The following PRDM5 variants were observed in gnomAD, a reference collection of about 807,000 sequenced individuals.
The protein encoded by PRDM5 is PR domain zinc finger protein 5.
In PRDM5, 56 loss-of-function variants were observed where a neutral mutation model predicts 81.2. The ratio of observed to expected loss-of-function variants is 0.69; its 90% confidence interval spans 0.56 to 0.86. The LOEUF (loss-of-function observed/expected upper bound fraction) is 0.86. Among genes scored for constraint, PRDM5 ranks in the 40% least tolerant of loss-of-function variants. PRDM5 has a pLI of 0.00. For synonymous variants in PRDM5, 267 were observed against 256.4 expected (o/e 1.04, Z -0.39); for missense variants, 697 against 770.1 (o/e 0.91, Z 1.12).
At chr4:120,840,374 TGGGAATGTCA>T (rs1476485564) in intron 3 of PRDM5, among the ~76,000 whole-genome samples, 1 of 151,950 alleles carries the variant, frequency 6.6e-6, no homozygotes, top group Admixed American at 6.5e-5. Context: ...GCCCAGCCGT[TGGGAATGTCA>T]GGCTTGGCAG....
chr4:120,726,986 A>G (rs1460454286), intron 14 of PRDM5, among the ~76,000 whole-genome samples: 1 of 152,210 alleles, frequency 6.6e-6, no homozygotes, highest in Non-Finnish European at 1.5e-5. Flanking sequence ...ATTGAGTCAT[A>G]TATTTCTTGG....
rs1442706002 is a variant in PRDM5 at position 120,739,953 on chromosome 4, G to C, written c.1623+14600C>G. Among the ~76,000 whole-genome samples, 3 of 152,028 alleles carry C rather than the reference G, an allele frequency of 2.0e-5. 1 individual carries two copies. Among genetic ancestry groups the C allele is most frequent in the African/African-American group, 7.2e-5 (3 of 41,394 alleles). ...AAAGGAGAAATGAAGAAAAAGAAAG[G>C]GGGTAATGATGCTGTCGGTCTCTGA... is the stretch of plus-strand genomic sequence containing the variant. On this transcript the variant is annotated intron_variant, in intron 14 of 15. Coordinates refer to ENST00000264808, the MANE Select transcript of PRDM5 (RefSeq NM_018699.4).
intron 14 of PRDM5, among the ~76,000 whole-genome samples, chr4:120,749,792 C>T (rs1388362225): frequency 1.3e-5 from 2 of 152,168 alleles, no homozygotes; most frequent in Non-Finnish European, 1.5e-5. Context: ...GCACTGACAC[C>T]AAGGGGAGGG....
downstream of PRDM5, among the ~76,000 whole-genome samples, chr4:120,687,637 G>T (rs143617872): frequency 6.6e-6 from 1 of 151,994 alleles, no homozygotes. Flanking sequence ...ATAATACTAC[G>T]GTTTGAATCT....
At chr4:120,889,136 C>G (rs868647505) in intron 2 of PRDM5, among the ~76,000 whole-genome samples, 29 of 152,070 alleles carry the variant, frequency 1.9e-4, no homozygotes, top group African/African-American at 5.5e-4. Context: ...ATTTAAGAAA[C>G]CTGTCTTTAC....
intron 2 of PRDM5, among the ~76,000 whole-genome samples, chr4:120,897,498 T>A (rs972439228): frequency 1.3e-5 from 2 of 152,180 alleles, no homozygotes; most frequent in Non-Finnish European, 2.9e-5. Context: ...CATCAGATAA[T>A]GTTTTTAAAA....
intron 14 of PRDM5, among the ~76,000 whole-genome samples, chr4:120,712,131 C>CA (rs1236361306): frequency 6.6e-6 from 1 of 152,000 alleles, no homozygotes; most frequent in East Asian, 1.9e-4. Flanking sequence ...ACTAAAAATA[C>CA]AAAAGTTAGC....
At chr4:120,843,893 T>C (rs1758339995) in intron 3 of PRDM5, among the ~76,000 whole-genome samples, 2 of 152,118 alleles carry the variant, frequency 1.3e-5, no homozygotes, top group Admixed American at 1.3e-4. Flanking sequence ...GGGCATTTCT[T>C]GTGTCTATAA....
intron 2 of PRDM5, among the ~76,000 whole-genome samples, chr4:120,886,994 G>A (rs1383982529): frequency 6.6e-6 from 1 of 151,086 alleles, no homozygotes; most frequent in African/African-American, 2.4e-5. Flanking sequence ...TGACCAAGCT[G>A]GAGTGCAGTG....
chr4:120,761,035 C>T (rs937077224), intron 13 of PRDM5, among the ~76,000 whole-genome samples: 6 of 152,118 alleles, frequency 3.9e-5, no homozygotes, highest in African/African-American at 1.4e-4. Context: ...TTCCTTAATG[C>T]CAATTTAACA....
chr4:120,767,579 T>C (rs936455258), intron 13 of PRDM5, among the ~76,000 whole-genome samples: 3 of 152,202 alleles, frequency 2.0e-5, no homozygotes, highest in Non-Finnish European at 4.4e-5. Flanking sequence ...CATTGCAGTA[T>C]ATTCAAAGGT....
chr4:120,726,047 A>G (rs1739360703), intron 14 of PRDM5, among the ~76,000 whole-genome samples: 1 of 152,050 alleles, frequency 6.6e-6, no homozygotes, highest in Non-Finnish European at 1.5e-5. Flanking sequence ...TGCTCACCCG[A>G]GTGGGCACAA....
At chr4:120,743,131 T>G (rs1482795345) in intron 14 of PRDM5, among the ~76,000 whole-genome samples, 1 of 151,920 alleles carries the variant, frequency 6.6e-6, no homozygotes, top group Non-Finnish European at 1.5e-5. Context: ...TATTCAACAT[T>G]CTTAAAGAAA....
intron 3 of PRDM5, among the ~76,000 whole-genome samples, chr4:120,825,296 T>A (rs1325844219): frequency 6.6e-6 from 1 of 152,184 alleles, no homozygotes; most frequent in African/African-American, 2.4e-5. Context: ...GTTACTATCA[T>A]TACTATTTAA....
chr4:120,851,566 C>T (rs1410785311), intron 3 of PRDM5, among the ~76,000 whole-genome samples: 1 of 151,830 alleles, frequency 6.6e-6, no homozygotes, highest in Non-Finnish European at 1.5e-5. Context: ...GCCAGAGATC[C>T]TATTTTCCAT....
chr4:120,714,983 A>G (rs1737542134), intron 14 of PRDM5, among the ~76,000 whole-genome samples: 1 of 152,198 alleles, frequency 6.6e-6, no homozygotes, highest in South Asian at 2.1e-4. Context: ...TAAATGTCTC[A>G]AGTACCAACC....
At chr4:120,840,632 A>G (rs561460242) in intron 3 of PRDM5, among the ~76,000 whole-genome samples, 59 of 152,178 alleles carry the variant, frequency 3.9e-4, no homozygotes, top group Non-Finnish European at 8.4e-4. Flanking sequence ...GCACCACTCC[A>G]GGCCCAGCTT....
intron 2 of PRDM5, among the ~76,000 whole-genome samples, chr4:120,855,562 T>C (rs537880891): frequency 2.8e-4 from 42 of 152,308 alleles, no homozygotes; most frequent in Middle Eastern, 3.4e-3. Context: ...ATGTACACTC[T>C]ACACCTCTGC....
chr4:120,890,110 G>C (rs994848909), intron 2 of PRDM5, among the ~76,000 whole-genome samples: 6 of 152,170 alleles, frequency 3.9e-5, no homozygotes, highest in African/African-American at 1.2e-4. Flanking sequence ...ATAAAGAAAA[G>C]AGATTTAATT....
Sources: allele counts gnomAD v4.1 joint callset (sites outside exome capture counted in the v4.1 genomes callset), GRCh38; gene constraint gnomAD v4.1.1; transcripts MANE v1.5; gene names NCBI Gene and HGNC (gene_info 2026-07-23, HGNC 2026-07-21).